The following CAMK1D variants were observed in gnomAD, a reference collection of about 807,000 sequenced individuals.
CAMK1D encodes calcium/calmodulin-dependent protein kinase type 1D.
A neutral mutation model predicts 47.7 loss-of-function variants in CAMK1D; 9 were observed. The ratio of observed to expected loss-of-function variants is 0.19; its 90% CI spans 0.11 to 0.33. The LOEUF (loss-of-function observed/expected upper bound fraction) is 0.33, where lower values mean the gene tolerates loss of function less well. Among genes scored for constraint, CAMK1D ranks in the 10% least tolerant of loss-of-function variants. CAMK1D has a pLI of 1.00. For synonymous variants in CAMK1D, 184 were observed against 184.9 expected (o/e 0.99, Z 0.04); for missense variants, 291 against 488.7 (o/e 0.60, Z 3.81).
At chr10:12,588,837 T>G (rs750622759) in intron 2 of CAMK1D, among the ~76,000 whole-genome samples, 1 of 150,234 alleles carries the variant, frequency 6.7e-6, no homozygotes, top group Non-Finnish European at 1.5e-5. Context: ...CATATATATG[T>G]GCTTGTATAT....
chr10:12,606,870 C>T (rs192075588), intron 2 of CAMK1D, among the ~76,000 whole-genome samples: 72 of 152,096 alleles, frequency 4.7e-4, no homozygotes, highest in East Asian at 3.7e-3. Context: ...GCTCTGTCAC[C>T]GGGCTGGAGT....
intron 1 of CAMK1D, among the ~76,000 whole-genome samples, chr10:12,550,195 A>T (rs975140970): frequency 6.6e-6 from 1 of 152,206 alleles, no homozygotes; most frequent in Admixed American, 6.5e-5. Context: ...CAACAAACTC[A>T]GGACCATTGG....
At chr10:12,801,297 GTATCTATCTATCTATC>G (rs1183015885) in intron 6 of CAMK1D, among the ~76,000 whole-genome samples, 165 of 89,970 alleles carry the variant, frequency 1.8e-3, no homozygotes, top group Non-Finnish European at 3.1e-3. Context: ...GTCTGTGTGT[GTATCTATCTATCTATC>G]TATCTATCTA....
At chr10:12,586,428 G>A (rs1389576417) in intron 2 of CAMK1D, among the ~76,000 whole-genome samples, 4 of 124,882 alleles carry the variant, frequency 3.2e-5, no homozygotes, top group Middle Eastern at 5.4e-3. Flanking sequence ...CAGCCTGGGC[G>A]ACAGAGCAAG....
At chr10:12,540,525 A>G (rs545595564) in intron 1 of CAMK1D, among the ~76,000 whole-genome samples, 78 of 152,342 alleles carry the variant, frequency 5.1e-4, no homozygotes, top group African/African-American at 1.5e-3. Flanking sequence ...AGTGCCGCAG[A>G]AACACCTGCA....
Position 12,783,542 on chromosome 10 carries a change from CT to C in CAMK1D, c.566-7615del, listed in dbSNP as rs199564363. On this transcript the variant is annotated intron_variant, in intron 5 of 10. Transcript: ENST00000619168. ...ACTGCTTCTTGGCACGTCCTTGGGG[CT>C]CGGGAAAGGGAAAATTCTTTTCTAC... 3.0e-3 allele frequency among the ~76,000 whole-genome samples: 452 copies of C among 152,238 alleles called. 6 individuals carry two copies. The highest frequency in any genetic ancestry group is 0.013 in the Admixed American group (195 of 15,288).
At chr10:12,741,850 G>C (rs905820478) in intron 3 of CAMK1D, among the ~76,000 whole-genome samples, 1 of 152,126 alleles carries the variant, frequency 6.6e-6, no homozygotes, top group African/African-American at 2.4e-5. Flanking sequence ...GATTTCTCCT[G>C]CTTTGGGACA....
rs571504452 is a variant in CAMK1D, at chr10:12,447,588, A to G, written c.92+97678A>G. ...GTAGTTGTGTGCACCTGGGGTCCCA[A>G]CTACTCAAAAGAGTGAGGTGGGAGG... On this transcript the variant is annotated intron_variant, in intron 1 of 10. Transcript: ENST00000619168. Among the ~76,000 whole-genome samples, 14 of 152,284 alleles carry G rather than the reference A, an allele frequency of 9.2e-5. No homozygotes were observed. In the East Asian group the frequency reaches 2.3e-3, roughly 25 times the overall value.
chr10:12,350,099 G>T (rs1290439062), intron 1 of CAMK1D, among the ~76,000 whole-genome samples, 189 bp downstream of exon 1: 1 of 151,926 alleles, frequency 6.6e-6, no homozygotes, highest in Non-Finnish European at 1.5e-5. Context: ...CCCCGGGTGG[G>T]CGCCGTTCCC....
intron 3 of CAMK1D, among the ~76,000 whole-genome samples, chr10:12,708,049 G>A (rs1833795267): frequency 6.6e-6 from 1 of 152,186 alleles, no homozygotes; most frequent in East Asian, 1.9e-4. Flanking sequence ...CACGGCTAGA[G>A]CCCCCATTGT....
At chr10:12,733,949 T>C (rs114572369) in intron 3 of CAMK1D, among the ~76,000 whole-genome samples, 2,739 of 152,226 alleles carry the variant, frequency 0.018, 88 homozygotes, top group African/African-American at 0.061. Context: ...ACATCATAAG[T>C]GTCTCCAAGA....
chr10:12,622,191 C>G (rs906683542), intron 2 of CAMK1D, among the ~76,000 whole-genome samples: 10 of 152,190 alleles, frequency 6.6e-5, no homozygotes, highest in African/African-American at 2.4e-4. Context: ...AGGTGGACAC[C>G]TAGGCCCCTG....
chr10:12,709,478 C>T (rs1833856297), intron 3 of CAMK1D, among the ~76,000 whole-genome samples: 1 of 152,070 alleles, frequency 6.6e-6, no homozygotes, highest in Non-Finnish European at 1.5e-5. Flanking sequence ...ATACAAAGAA[C>T]TGAATGCATT....
intron 1 of CAMK1D, among the ~76,000 whole-genome samples, chr10:12,428,985 A>C (rs192726424): frequency 6.6e-6 from 1 of 152,164 alleles, no homozygotes; most frequent in South Asian, 2.1e-4. Flanking sequence ...TGGGAAGTCA[A>C]TGTGTGGTTT....
chr10:12,556,802 C>T (rs539598820), intron 2 of CAMK1D, among the ~76,000 whole-genome samples: 25 of 152,178 alleles, frequency 1.6e-4, no homozygotes, highest in African/African-American at 5.3e-4. Flanking sequence ...AAGATTGTTG[C>T]GGCAGAACTG....
intron 3 of CAMK1D, among the ~76,000 whole-genome samples, chr10:12,730,086 A>T (rs1249165147): frequency 6.6e-6 from 1 of 152,120 alleles, no homozygotes; most frequent in Non-Finnish European, 1.5e-5. Flanking sequence ...TTGAGAATGG[A>T]CAGTAGGGGG....
chr10:12,750,522 G>T (rs1337810822), intron 3 of CAMK1D, among the ~76,000 whole-genome samples: 1 of 152,156 alleles, frequency 6.6e-6, no homozygotes, highest in Admixed American at 6.5e-5. Context: ...TGGGCTGGAG[G>T]TTCTAGAATA....
chr10:12,703,381 C>G (rs999366749), intron 3 of CAMK1D, among the ~76,000 whole-genome samples: 1 of 152,228 alleles, frequency 6.6e-6, no homozygotes, highest in South Asian at 2.1e-4. Flanking sequence ...TCGCAGGGCT[C>G]GGAACAGAAG....
chr10:12,697,936 A>G (rs528847458), intron 3 of CAMK1D, among the ~76,000 whole-genome samples: 4 of 152,222 alleles, frequency 2.6e-5, no homozygotes, highest in Admixed American at 6.5e-5. Context: ...TGGCTCTTGT[A>G]ATTTTCAGCA....
Sources: gnomAD v4.1 joint callset for allele counts (sites outside exome capture counted in the v4.1 genomes callset) on GRCh38, gnomAD v4.1.1 for gene constraint, MANE v1.5 for transcripts, NCBI Gene and HGNC (gene_info 2026-07-23, HGNC 2026-07-21) for gene names.